The following SFMBT2 variants were observed in gnomAD, a reference collection of about 807,000 sequenced individuals.
SFMBT2 encodes Scm like with four mbt domains 2.
Under a neutral mutation model 110.1 loss-of-function variants are expected in SFMBT2, and 38 were observed. The ratio of observed to expected loss-of-function variants is 0.35; its 90% CI spans 0.27 to 0.45. The LOEUF (loss-of-function observed/expected upper bound fraction) is 0.45, where lower values mean the gene tolerates loss of function less well. Among genes scored for constraint, SFMBT2 ranks in the 20% least tolerant of loss-of-function variants. The pLI is 1.00. For missense variants in SFMBT2, 1,011 were observed against 1,094.9 expected (o/e 0.92, Z 1.08); for synonymous variants, 425 against 425.4 (o/e 1.00, Z 0.01).
chr10:7,253,851 A>G (rs1281098600), intron 7 of SFMBT2, among the ~76,000 whole-genome samples: 1 of 148,838 alleles, frequency 6.7e-6, no homozygotes, highest in Non-Finnish European at 1.5e-5. Context: ...AAATCCCTCT[A>G]TGACCATATA....
At chr10:7,298,659 G>T (rs537234222) in intron 4 of SFMBT2, among the ~76,000 whole-genome samples, 1 of 152,280 alleles carries the variant, frequency 6.6e-6, no homozygotes, top group South Asian at 2.1e-4. Context: ...ATGTGTGTAT[G>T]TATGTGCGTA....
chr10:7,356,234 G>A (rs1844508349), intron 4 of SFMBT2, among the ~76,000 whole-genome samples: 2 of 152,302 alleles, frequency 1.3e-5, no homozygotes, highest in East Asian at 3.9e-4. Context: ...ACCCCAGGCT[G>A]GAGGCCCCTC....
chr10:7,381,657 C>T, intron 2 of SFMBT2, 142 bp downstream of exon 2: 2 of 856,918 alleles, frequency 2.3e-6, no homozygotes, highest in Non-Finnish European at 3.5e-6. Context: ...GCGGCCATAT[C>T]CTTATAAATA....
chr10:7,241,330 G>A (rs1360495210), intron 9 of SFMBT2: 8 of 982,698 alleles, frequency 8.1e-6, no homozygotes, highest in Non-Finnish European at 9.7e-6. Flanking sequence ...CTTCTTGAAT[G>A]CTTTAATGGT....
intron 4 of SFMBT2, among the ~76,000 whole-genome samples, chr10:7,353,888 C>A (rs964350372): frequency 4.6e-5 from 7 of 152,068 alleles, no homozygotes; most frequent in Non-Finnish European, 7.4e-5. Flanking sequence ...CAGTTCGAGA[C>A]CAGCCTGTGC....
At chr10:7,409,568 C>G (rs1289845513) in intron 1 of SFMBT2, among the ~76,000 whole-genome samples, 1 of 152,034 alleles carries the variant, frequency 6.6e-6, no homozygotes, top group Non-Finnish European at 1.5e-5. Flanking sequence ...GTTTCGGTGC[C>G]CTGGTCCGGG....
At chr10:7,364,836 T>G (rs1844842057) in intron 4 of SFMBT2, among the ~76,000 whole-genome samples, 1 of 152,230 alleles carries the variant, frequency 6.6e-6, no homozygotes, top group Admixed American at 6.5e-5. Flanking sequence ...GGCACAAATG[T>G]GTGGCACCTG....
At chr10:7,189,370 T>G (rs1323368113) in intron 15 of SFMBT2, among the ~76,000 whole-genome samples, 1 of 152,094 alleles carries the variant, frequency 6.6e-6, no homozygotes, top group Non-Finnish European at 1.5e-5. Context: ...AACAAGCATG[T>G]GTCTACCATG....
intron 12 of SFMBT2, chr10:7,205,360 A>G (rs1839094939): frequency 2.1e-6 from 2 of 971,460 alleles, no homozygotes; most frequent in African/African-American, 1.8e-5. Flanking sequence ...CAAAGTACTG[A>G]GATTATAGGA....
chr10:7,385,515 G>A (rs947587737), intron 1 of SFMBT2, among the ~76,000 whole-genome samples: 1 of 152,170 alleles, frequency 6.6e-6, no homozygotes, highest in East Asian at 1.9e-4. Context: ...GAAAAAGGGA[G>A]GAGACAATGC....
At chr10:7,284,306 C>T in intron 5 of SFMBT2, 156 bp from the exon 6 acceptor site, 1 of 1,154,380 alleles carries the variant, frequency 8.7e-7, no homozygotes, top group Non-Finnish European at 1.2e-6. Flanking sequence ...CCAGCCCATG[C>T]CCCACCCCTT....
intron 7 of SFMBT2, among the ~76,000 whole-genome samples, chr10:7,273,399 T>C (rs10905147): frequency 0.5 from 75,327 of 152,034 alleles, 19,435 homozygotes; most frequent in East Asian, 0.79. Context: ...AACAGTGAAC[T>C]TCAGCCTGCT....
At chr10:7,387,174 A>G (rs1187966946) in intron 1 of SFMBT2, among the ~76,000 whole-genome samples, 1 of 152,222 alleles carries the variant, frequency 6.6e-6, no homozygotes, top group Non-Finnish European at 1.5e-5. Context: ...TGAGCACTCA[A>G]CACTCCTAGG....
intron 9 of SFMBT2, among the ~76,000 whole-genome samples, chr10:7,235,805 C>G (rs1335487231): frequency 6.6e-6 from 1 of 152,196 alleles, no homozygotes; most frequent in East Asian, 1.9e-4. Flanking sequence ...ACCTGACCAA[C>G]TGATGTGGCA....
chr10:7,306,552 C>G (rs1185520621), intron 4 of SFMBT2, among the ~76,000 whole-genome samples: 1 of 151,992 alleles, frequency 6.6e-6, no homozygotes, highest in Non-Finnish European at 1.5e-5. Flanking sequence ...GTTCGCTAAC[C>G]CCCGCTGTAG....
At chr10:7,284,287 C>A in intron 5 of SFMBT2, 137 bp from the exon 6 acceptor site, 3 of 1,462,018 alleles carry the variant, frequency 2.1e-6, no homozygotes, top group Non-Finnish European at 2.7e-6. Context: ...CCCTCCACCC[C>A]ATCCTTGCCC....
intron 7 of SFMBT2, among the ~76,000 whole-genome samples, chr10:7,264,531 T>G (rs1400395615): frequency 6.6e-6 from 1 of 152,152 alleles, no homozygotes; most frequent in Non-Finnish European, 1.5e-5. Context: ...AGGTACAGAT[T>G]CTGATTAGGA....
intron 4 of SFMBT2, among the ~76,000 whole-genome samples, chr10:7,366,147 G>A (rs1038272295): frequency 6.6e-6 from 1 of 152,046 alleles, no homozygotes; most frequent in Non-Finnish European, 1.5e-5. Context: ...AGGAGGATGC[G>A]GAAAGGAAGG....
At chr10:7,261,580 G>C (rs529921976) in intron 7 of SFMBT2, among the ~76,000 whole-genome samples, 2 of 152,330 alleles carry the variant, frequency 1.3e-5, no homozygotes, top group African/African-American at 4.8e-5. Flanking sequence ...TTTACTTTTA[G>C]GAGAATCCAG....
Sources: gnomAD v4.1 joint callset for allele counts (sites outside exome capture counted in the v4.1 genomes callset) on GRCh38, gnomAD v4.1.1 for gene constraint, MANE v1.5 for transcripts, NCBI Gene and HGNC (gene_info 2026-07-23, HGNC 2026-07-21) for gene names.